Variants in GPN1 observed in about 807,000 individuals in gnomAD.
GPN1 encodes GPN-loop GTPase 1.
A neutral mutation model predicts 55.9 loss-of-function variants in GPN1; 44 were observed. The ratio of observed to expected loss-of-function variants is 0.79; its 90% confidence interval spans 0.62 to 1.01. GPN1 has a LOEUF of 1.01. GPN1 is among the 50% of genes least tolerant of loss of function. The pLI, the probability that GPN1 is intolerant of heterozygous loss-of-function variation, is 0.00. For missense variants in GPN1, 466 were observed against 462.8 expected (o/e 1.01, Z -0.06); for synonymous variants, 179 against 162.5 (o/e 1.10, Z -0.77).
At chr2:27,628,273 GAAAC>G, upstream of GPN1, 8 of 992,878 alleles carry the variant, frequency 8.1e-6, no homozygotes, top group South Asian at 1.7e-5. Context: ...AAGGGTCACA[GAAAC>G]AGACTGGGTG....
upstream of GPN1, chr2:27,628,864 C>T: frequency 4.1e-6 from 6 of 1,465,140 alleles, 1 homozygote; most frequent in South Asian, 2.9e-5. Flanking sequence ...TGCTCAGCGC[C>T]CCCACTTCCT....
In GPN1 at chr2:27,643,950, G is replaced by A. The variant is rs1431069135; in HGVS notation, c.931+1431G>A. On this transcript the variant is annotated intron_variant, in intron 12 of 13. Transcript: ENST00000610189. The surrounding 1 kb of genome is among the most constrained non-coding windows in gnomAD (Gnocchi z 4.0). ...TCCCAGCATTTTGGGAGGCCGAGGC[G>A]GGTGGATCACTTGAGGTCAGGAATT... Among the ~76,000 whole-genome samples the A allele has an allele frequency of 1.3e-5, 2 of 152,156 alleles. No homozygotes were observed. Among genetic ancestry groups the A allele is most frequent in the African/African-American group, 4.8e-5 (2 of 41,432 alleles).
intron 13 of GPN1, 54 bp from the exon 14 acceptor site, chr2:27,650,061 A>G (rs1379519234): frequency 3.1e-6 from 3 of 952,718 alleles, no homozygotes; most frequent in Non-Finnish European, 3.5e-6. Context: ...GACGGGCTCT[A>G]ATCAGTTTGT....
At chr2:27,641,029 G>A (rs1317284056) in intron 10 of GPN1, among the ~76,000 whole-genome samples, 2 of 152,160 alleles carry the variant, frequency 1.3e-5, no homozygotes, top group East Asian at 1.9e-4. Flanking sequence ...AGTCAGGATT[G>A]TGTCTCCTGG....
chr2:27,633,863 T>C (rs1026642447), intron 5 of GPN1, among the ~76,000 whole-genome samples: 3 of 152,064 alleles, frequency 2.0e-5, no homozygotes, highest in Non-Finnish European at 4.4e-5. Context: ...TGTATGGTTG[T>C]TTTAGTCTGT....
In GPN1 at chr2:27,640,431, C is replaced by T. The variant is rs555487105; in HGVS notation, c.800+306C>T. Among the ~76,000 whole-genome samples the T allele has an allele frequency of 1.2e-4, 19 of 152,300 alleles. 1 individual carries two copies. The highest frequency in any genetic ancestry group is 4.6e-4 in the African/African-American group (19 of 41,574). On this transcript the variant is annotated intron_variant, in intron 10 of 13. Transcript: ENST00000610189. ...GGTCATATAGTCTCTGTTGCAACTG[C>T]TCACGTCTGCCATTGTAGGACAAAA...
Position 27,635,130 on chromosome 2 carries a change from G to T in GPN1, c.430-10G>T, listed in dbSNP as rs182834315. ...CTCTGACCAAGGCTTTGATTTTTTTGTGGCTTTAGGCATCCTCATTTCCAA... is the reference window on the plus strand; with the variant it reads ...CTCTGACCAAGGCTTTGATTTTTTTTTGGCTTTAGGCATCCTCATTTCCAA... On this transcript the variant is annotated splice_polypyrimidine_tract_variant and intron_variant, in intron 6 of 13. Transcript: ENST00000610189. The T allele has an allele frequency of 6.6e-7, 1 of 1,512,772 alleles. No homozygotes were observed. The highest frequency in any genetic ancestry group is 1.4e-5 in the African/African-American group (1 of 72,540). 93.7% of individuals were successfully genotyped at this position (1,512,772 alleles called of 1,614,324 possible).
chr2:27,645,048 G>T (rs1264577884), intron 12 of GPN1, among the ~76,000 whole-genome samples: 2 of 152,016 alleles, frequency 1.3e-5, no homozygotes, highest in African/African-American at 4.8e-5. Flanking sequence ...GCTCCCTGCA[G>T]CCTCGAACTA....
intron 2 of GPN1, 75 bp from the exon 3 acceptor site, chr2:27,630,952 A>G (rs376080375): frequency 1.1e-4 from 85 of 747,580 alleles, no homozygotes; most frequent in Non-Finnish European, 1.9e-4. Flanking sequence ...GAAGGCTAGA[A>G]GGCCAGTTTT....
Position 27,638,219 on chromosome 2 carries a change from C to T in GPN1, c.534C>T (p.Tyr178=), listed in dbSNP as rs769311274. ...AATGTTTGGTTTTCAGCATCTTATACAAAACCAAGCTGCCTTTCATTGTGG... is the reference window on the plus strand; with the variant it reads ...AATGTTTGGTTTTCAGCATCTTATATAAAACCAAGCTGCCTTTCATTGTGG... ...SNMLYACSIL[Y]KTKLPFIVVM... Residue 178 remains tyrosine, a synonymous_variant, in exon 8 of 14, where the codon TAC becomes TAT. Transcript: ENST00000610189. 1.6e-5 allele frequency: 25 copies of T among 1,563,964 alleles called. No individual in the cohort carries two copies. The South Asian group carries it at 2.4e-4, about 15-fold the overall frequency.
chr2:27,629,419 C>T (rs983074458), intron 1 of GPN1: 2 of 1,550,054 alleles, frequency 1.3e-6, no homozygotes, highest in East Asian at 2.4e-5. Context: ...AATTGTCTTG[C>T]TGATAAAATT....
At position 27,635,247 on chromosome 2, in the gene GPN1, T is replaced by C; in HGVS notation, c.524+13T>C. The C allele has an allele frequency of 7.4e-7, 1 of 1,359,808 alleles. No individual in the cohort carries two copies. The highest frequency in any genetic ancestry group is 1.0e-6 in the Non-Finnish European group (1 of 957,480). 84.2% of individuals were successfully genotyped at this position (1,359,808 alleles called of 1,614,324 possible). The stretch of plus-strand genomic sequence containing the variant: ...TCTATGCCTGCAGGTAATTGATTGT[T>C]GGTGGGGAAAGTGTTCCATCAAGGT... On this transcript the variant is annotated intron_variant, in intron 7 of 13. Transcript: ENST00000610189.
Position 27,641,237 on chromosome 2 carries a change from C to T in GPN1, c.801-3C>T, listed in dbSNP as rs768999572. The T allele has an allele frequency of 2.5e-6, 4 of 1,600,372 alleles. No individual in the cohort carries two copies. The highest frequency in any genetic ancestry group is 3.4e-6 in the Non-Finnish European group (4 of 1,168,020). ...GGAATTTAGAAAGTGTTTCTCTTTA[C>T]AGGGAGTATCGTCCTGAATATGAAC... On this transcript the variant is annotated splice_region_variant and splice_polypyrimidine_tract_variant and intron_variant, in intron 10 of 13. Transcript: ENST00000610189.
chr2:27,635,170 GT>G lies in GPN1; in HGVS notation c.461del (p.Val154GlufsTer11). On this transcript the variant is annotated frameshift_variant, in exon 7 of 14. Transcript: ENST00000610189. LOFTEE classifies it high-confidence loss of function. ...CTCATTTCCAACAGTTGTCATCTAT[GT>G]AATGGACACATCGAGAAGTACCAAC... ...ASSFPTVVIY[V>X]MDTSRSTNPV... 6.2e-7 allele frequency: 1 copy of G among 1,604,212 alleles called. No individual in the cohort carries two copies. Among genetic ancestry groups the G allele is most frequent in the South Asian group, 1.1e-5 (1 of 90,660 alleles).
At chr2:27,644,721 G>T (rs1319816482) in intron 12 of GPN1, among the ~76,000 whole-genome samples, 5 of 130,780 alleles carry the variant, frequency 3.8e-5, no homozygotes, top group Admixed American at 2.9e-4. Flanking sequence ...TTTTTTGGTA[G>T]TGTTTTTTTT....
chr2:27,650,022 A>C, intron 13 of GPN1, 93 bp from the exon 14 acceptor site: 2 of 728,660 alleles, frequency 2.7e-6, no homozygotes, highest in Non-Finnish European at 5.0e-6. Context: ...GTTTCTTAGA[A>C]GTAATGTACT....
intron 9 of GPN1, 67 bp downstream of exon 9, chr2:27,639,098 T>C: frequency 1.5e-6 from 2 of 1,292,152 alleles, no homozygotes; most frequent in Non-Finnish European, 2.1e-6. Flanking sequence ...AGGATTGGCT[T>C]TGAACCTGGC....
upstream of GPN1, chr2:27,629,044 G>A (rs200321965): frequency 4.5e-5 from 72 of 1,614,142 alleles, no homozygotes; most frequent in African/African-American, 7.9e-4. Flanking sequence ...TCGGGTGGGT[G>A]GGGCCAGGAG....
intron 13 of GPN1, among the ~76,000 whole-genome samples, chr2:27,649,503 C>A (rs1020729479): frequency 2.6e-5 from 4 of 152,248 alleles, no homozygotes; most frequent in African/African-American, 7.2e-5. Context: ...TCCCTCACCC[C>A]CCAAAACTTC....
Sources: allele counts gnomAD v4.1 joint callset (sites outside exome capture counted in the v4.1 genomes callset), GRCh38; gene constraint gnomAD v4.1.1; non-coding constraint Gnocchi (gnomAD v3.1); transcripts MANE v1.5; gene names NCBI Gene and HGNC (gene_info 2026-07-23, HGNC 2026-07-21).